PCDHGB7: variants seen among roughly 807,000 people sequenced by gnomAD.
PCDHGB7 encodes the protein protocadherin gamma-B7.
In PCDHGB7, 37 loss-of-function variants were observed where a neutral mutation model predicts 61.4. The observed-to-expected ratio is 0.60, with a 90% CI of 0.46 to 0.79. The LOEUF (loss-of-function observed/expected upper bound fraction) is 0.79, where lower values mean the gene tolerates loss of function less well. Ranked by LOEUF, PCDHGB7 falls within the 30% of genes least tolerant of loss-of-function variation. The probability of loss-of-function intolerance (pLI) is 0.00; values close to 1 mark genes in which losing one functional copy is unlikely to be tolerated. For synonymous variants in PCDHGB7, 464 were observed against 503.5 expected, an observed-to-expected ratio of 0.92 and a Z score of 1.05; for missense variants, 1,166 against 1,202.5, an observed-to-expected ratio of 0.97 and a Z score of 0.45.
At chr5:141,421,926 C>A in intron 1 of PCDHGB7, 1 of 1,613,460 alleles carries the variant, frequency 6.2e-7, no homozygotes, top group Non-Finnish European at 8.5e-7. Flanking sequence ...GTGTGGTGGT[C>A]CTCGATGTAA....
intron 1 of PCDHGB7, among the ~76,000 whole-genome samples, chr5:141,459,664 T>A (rs766213146): frequency 1.3e-5 from 2 of 152,262 alleles, no homozygotes; most frequent in Non-Finnish European, 2.9e-5. Flanking sequence ...TCACTTTACA[T>A]TTTCATGAGC....
chr5:141,438,450 A>G (rs1017249043), intron 1 of PCDHGB7, among the ~76,000 whole-genome samples: 32 of 151,738 alleles, frequency 2.1e-4, no homozygotes, highest in African/African-American at 7.5e-4. Flanking sequence ...ACTCAATACA[A>G]TGCTTGAGTT....
At position 141,445,006 on chromosome 5, in the gene PCDHGB7, G is replaced by A. The variant is rs550056654; in HGVS notation, c.2415+24732G>A. Among the ~76,000 whole-genome samples, 51 of 152,044 alleles carry A rather than the reference G, an allele frequency of 3.4e-4. 2 individuals are homozygous for A. The South Asian group carries it at 9.6e-3, about 28-fold the overall frequency. ...CATGGTATATATTTCCATTTAATTA[G>A]GTCTTTAATTTCTCTCAGCTATGTT... On this transcript the variant is annotated intron_variant, in intron 1 of 3. Transcript: ENST00000398594.
intron 3 of PCDHGB7, among the ~76,000 whole-genome samples, chr5:141,509,211 C>T (rs962706371): frequency 2.0e-5 from 3 of 152,180 alleles, no homozygotes; most frequent in African/African-American, 4.8e-5. Context: ...CTCTCTATTT[C>T]TCAATCCCTG....
In PCDHGB7 at chr5:141,489,449, A is replaced by G; in HGVS notation, c.2416-5358A>G. The G allele has an allele frequency of 6.2e-7, 1 of 1,614,056 alleles. No homozygotes were observed. Among genetic ancestry groups the G allele is most frequent in the Non-Finnish European group, 8.5e-7 (1 of 1,180,016 alleles). On this transcript the variant is annotated intron_variant, in intron 1 of 3. Coordinates refer to ENST00000398594, the MANE Select transcript of PCDHGB7 (RefSeq NM_018927.4). This position sits in a 1 kb window ranked among gnomAD's most constrained non-coding sequence, Gnocchi z 4.5. ...CGGCGGCTGCAATTGGGCTCTGAGG[A>G]GAATGGGCGCTATTTTTCCCTGAGC...
intron 1 of PCDHGB7, among the ~76,000 whole-genome samples, chr5:141,457,632 G>A (rs919693977): frequency 6.6e-6 from 1 of 152,142 alleles, no homozygotes; most frequent in African/African-American, 2.4e-5. Flanking sequence ...CTTATACTTG[G>A]CCTGATTATT....
chr5:141,501,945 T>G (rs1318749969), intron 2 of PCDHGB7, among the ~76,000 whole-genome samples: 5 of 152,106 alleles, frequency 3.3e-5, no homozygotes, highest in African/African-American at 1.2e-4. Context: ...CACTGCTCCC[T>G]GTGACAGGTC....
Position 141,432,123 on chromosome 5 carries a change from C to G in PCDHGB7, c.2415+11849C>G, listed in dbSNP as rs1224794803. On this transcript the variant is annotated intron_variant, in intron 1 of 3. Transcript: ENST00000398594. This position sits in a 1 kb window ranked among gnomAD's most constrained non-coding sequence, Gnocchi z 6.0. ...GACAACCCGCCGGTCTTCCCTCAGG[C>G]CTCCTATTCCGCTTATATCCCAGAG... 1 of 1,614,172 alleles carries G rather than the reference C, an allele frequency of 6.2e-7. No homozygotes were observed. Among genetic ancestry groups the G allele is most frequent in the Admixed American group, 1.7e-5 (1 of 60,022 alleles).
At position 141,491,305 on chromosome 5, in the gene PCDHGB7, G is replaced by T. The variant is rs1461861151; in HGVS notation, c.2416-3502G>T. 6.2e-7 allele frequency: 1 copy of T among 1,614,176 alleles called. No homozygotes were observed. Among genetic ancestry groups the T allele is most frequent in the African/African-American group, 1.3e-5 (1 of 75,048 alleles). ...CCTCATACACCCTCCTGAGCGTTCA[G>T]ACCTTACCCTTTACCTCATTGTGGC... On this transcript the variant is annotated intron_variant, in intron 1 of 3. Coordinates refer to ENST00000398594, the MANE Select transcript of PCDHGB7 (RefSeq NM_018927.4). This position sits in a 1 kb window ranked among gnomAD's most constrained non-coding sequence, Gnocchi z 6.9.
At position 141,432,360 on chromosome 5, in the gene PCDHGB7, C is replaced by T; in HGVS notation, c.2415+12086C>T. On this transcript the variant is annotated intron_variant, in intron 1 of 3. Transcript: ENST00000398594. This position sits in a 1 kb window ranked among gnomAD's most constrained non-coding sequence, Gnocchi z 6.0. Reference sequence around the variant, plus strand: ...CGAGACTTGCAAGTGAAAGTGATGGCGCGGGACAACGGGCACCCGCCCCTC... The same window carrying T: ...CGAGACTTGCAAGTGAAAGTGATGGTGCGGGACAACGGGCACCCGCCCCTC... 1.9e-6 allele frequency: 3 copies of T among 1,614,228 alleles called. No individual in the cohort carries two copies. The highest frequency in any genetic ancestry group is 1.1e-5 in the South Asian group (1 of 91,088).
rs148119281 is a variant in PCDHGB7, at chr5:141,511,006, C to T, written c.2623C>T (p.Arg875Cys). The T allele has an allele frequency of 3.5e-5, 56 of 1,614,078 alleles. No individual in the cohort carries two copies. Among genetic ancestry groups the T allele is most frequent in the African/African-American group, 5.3e-5 (4 of 74,922 alleles). The change falls in exon 4 of 4, where the codon CGC (arginine) becomes TGC (cysteine). Residue 875 changes from arginine to cysteine, a missense_variant. By Grantham distance (180) the Arg-to-Cys change is radical. Transcript: ENST00000398594. Reference protein sequence around the residue: ...GGAGTMGLSARYGPQFTLQHV... With the variant: ...GGAGTMGLSACYGPQFTLQHV... ...TGCCGGCACCATGGGATTGAGCGCC[C>T]GCTACGGACCCCAGTTCACCCTGCA...
At chr5:141,428,002 T>G in intron 1 of PCDHGB7, 1 of 1,601,328 alleles carries the variant, frequency 6.2e-7, no homozygotes, top group Non-Finnish European at 8.5e-7. Context: ...TCCGCACTCT[T>G]CGATATAGTG....
chr5:141,430,796 C>A, intron 1 of PCDHGB7: 1 of 1,522,232 alleles, frequency 6.6e-7, no homozygotes, highest in Middle Eastern at 1.8e-4. Context: ...CTACAAAGGG[C>A]TTGTCCTGCT....
At chr5:141,427,100 T>G (rs1270371842) in intron 1 of PCDHGB7, 1 of 458,010 alleles carries the variant, frequency 2.2e-6, no homozygotes, top group Non-Finnish European at 4.4e-6. Flanking sequence ...AGGGTGTCAA[T>G]GCGGAGATCA....
chr5:141,495,449 G>T (rs1249221693), intron 2 of PCDHGB7, among the ~76,000 whole-genome samples: 1 of 152,194 alleles, frequency 6.6e-6, no homozygotes, highest in East Asian at 1.9e-4. Flanking sequence ...TACTTGTCCT[G>T]CTCTCTGTCT....
chr5:141,460,026 C>T (rs565259315), intron 1 of PCDHGB7, among the ~76,000 whole-genome samples: 36 of 152,090 alleles, frequency 2.4e-4, no homozygotes, highest in Non-Finnish European at 3.2e-4. Flanking sequence ...TGCAGTGAGC[C>T]GAGACTGCAC....
chr5:141,501,328 CACACA>C (rs1562200832), intron 2 of PCDHGB7, among the ~76,000 whole-genome samples: 17 of 151,710 alleles, frequency 1.1e-4, no homozygotes, highest in African/African-American at 1.9e-4. Context: ...CACACACACA[CACACA>C]CCCCAAACTC....
In PCDHGB7 at chr5:141,431,937, A is replaced by T; in HGVS notation, c.2415+11663A>T. On this transcript the variant is annotated intron_variant, in intron 1 of 3. Coordinates refer to ENST00000398594, the MANE Select transcript of PCDHGB7 (RefSeq NM_018927.4). The surrounding 1 kb of genome is among the most constrained non-coding windows in gnomAD (Gnocchi z 4.8). ...TTCATCCAAGGAAATCTGCCCTTTAAATTAGAAAAATCTTACGGAAATTAC... is the reference window on the plus strand; with the variant it reads ...TTCATCCAAGGAAATCTGCCCTTTATATTAGAAAAATCTTACGGAAATTAC... The T allele has an allele frequency of 6.2e-7, 1 of 1,614,144 alleles. No individual in the cohort carries two copies. The highest frequency in any genetic ancestry group is 8.5e-7 in the Non-Finnish European group (1 of 1,180,014).
In PCDHGB7 at chr5:141,487,680, A is replaced by G; in HGVS notation, c.2416-7127A>G. On this transcript the variant is annotated intron_variant, in intron 1 of 3. Coordinates refer to ENST00000398594, the MANE Select transcript of PCDHGB7 (RefSeq NM_018927.4). This position sits in a 1 kb window ranked among gnomAD's most constrained non-coding sequence, Gnocchi z 5.0. ...TCTGATCCAGGCATATGGCTAGGCC[A>G]TGTCCTAGAGAGTACTGGCCTCTCA... 6.2e-7 allele frequency: 1 copy of G among 1,609,370 alleles called. No individual in the cohort carries two copies. The highest frequency in any genetic ancestry group is 2.2e-5 in the East Asian group (1 of 44,826).
Sources: allele counts gnomAD v4.1 joint callset (sites outside exome capture counted in the v4.1 genomes callset), GRCh38; gene constraint gnomAD v4.1.1; non-coding constraint Gnocchi (gnomAD v3.1); transcripts MANE v1.5; gene names NCBI Gene and HGNC (gene_info 2026-07-23, HGNC 2026-07-21).